VPS39: variants seen among roughly 807,000 people sequenced by gnomAD.
The protein encoded by VPS39 is vam6/Vps39-like protein.
A neutral mutation model predicts 121.0 loss-of-function variants in VPS39; 70 were observed. The ratio of observed to expected loss-of-function variants is 0.58; its 90% CI spans 0.48 to 0.71. The LOEUF (loss-of-function observed/expected upper bound fraction) is 0.71. Ranked by LOEUF, VPS39 falls within the 30% of genes least tolerant of loss-of-function variation. The pLI is 0.00. For synonymous variants in VPS39, 378 were observed against 398.1 expected, an observed-to-expected ratio of 0.95 and a Z score of 0.60; for missense variants, 818 against 1,051.5, an observed-to-expected ratio of 0.78 and a Z score of 3.07.
Position 42,191,678 on chromosome 15 carries a change from G to A in VPS39, c.140-118C>T, listed in dbSNP as rs553060203. 8.1e-5 allele frequency: 71 copies of A among 874,012 alleles called. 1 individual carries two copies. In the African/African-American group the frequency reaches 1.1e-3, roughly 13 times the overall value. The allele number at this position is 874,012 out of a possible 1,614,324, so 54.1% of individuals were successfully genotyped here. ...TATAAATCTTTGGAAGTTCCTGAAA[G>A]ACTAAAAATCAGAGATCTAAATAGC... On this transcript the variant is annotated intron_variant, in intron 2 of 24. Coordinates refer to ENST00000318006, the MANE Select transcript of VPS39 (RefSeq NM_015289.5).
chr15:42,199,962 C>T lies in VPS39; in HGVS notation c.74-1G>A. ...TTGGTTCCCACAAGAAGCCATTCCTCTGGAAAAACAAAACAAAACAAAAAC... is the reference window on the plus strand; with the variant it reads ...TTGGTTCCCACAAGAAGCCATTCCTTTGGAAAAACAAAACAAAACAAAAAC... On this transcript the variant is annotated splice_acceptor_variant, in intron 1 of 24. Coordinates refer to ENST00000318006, the MANE Select transcript of VPS39 (RefSeq NM_015289.5). LOFTEE classifies it high-confidence loss of function. 1 of 1,565,948 alleles carries T rather than the reference C, an allele frequency of 6.4e-7. No individual in the cohort carries two copies. The highest frequency in any genetic ancestry group is 8.6e-7 in the Non-Finnish European group (1 of 1,164,688).
rs947198028 is a variant in VPS39 at position 42,192,001 on chromosome 15, C to G, written c.140-441G>C. 9 of 1,492,020 alleles carry G rather than the reference C, an allele frequency of 6.0e-6. No homozygotes were observed. The South Asian group carries it at 9.6e-5, about 16-fold the overall frequency. 92.4% of individuals were successfully genotyped at this position (1,492,020 alleles called of 1,614,324 possible). A position where few individuals can be genotyped will look rare whatever the true frequency, so the allele number is the denominator to read the frequency against. ...ACTATTCTAACTAAGTTCTGTATCA[C>G]GGAGACAGAGCAAACACTCAAACCC... On this transcript the variant is annotated intron_variant, in intron 2 of 24. Coordinates refer to ENST00000318006, the MANE Select transcript of VPS39 (RefSeq NM_015289.5).
intron 4 of VPS39, 54 bp from the exon 5 acceptor site, chr15:42,189,262 G>C: frequency 6.8e-7 from 1 of 1,477,568 alleles, no homozygotes; most frequent in Non-Finnish European, 9.4e-7. Flanking sequence ...CTCTAGCATA[G>C]CCACTATCGA....
intron 1 of VPS39, among the ~76,000 whole-genome samples, chr15:42,203,473 C>CAA (rs58706734): frequency 3.1e-5 from 4 of 127,980 alleles, no homozygotes; most frequent in Admixed American, 7.7e-5. Context: ...GACTCTGTCT[C>CAA]AAAAAAAAAA....
At chr15:42,204,002 C>A (rs1228437455) in intron 1 of VPS39, among the ~76,000 whole-genome samples, 1 of 152,252 alleles carries the variant, frequency 6.6e-6, no homozygotes, top group Non-Finnish European at 1.5e-5. Context: ...CGGCCTAACC[C>A]TGAGCCACAA....
intron 10 of VPS39, 28 bp from the exon 11 acceptor site, chr15:42,173,880 T>C: frequency 6.2e-7 from 1 of 1,612,548 alleles, no homozygotes; most frequent in South Asian, 1.1e-5. Flanking sequence ...TATGTAAGAG[T>C]TCACTCACTC....
At chr15:42,168,587 A>G (rs2140843573) in intron 12 of VPS39, among the ~76,000 whole-genome samples, 1 of 143,876 alleles carries the variant, frequency 7.0e-6, no homozygotes, top group South Asian at 2.2e-4. Context: ...TCTGTTGCCC[A>G]GGCTGAAGTG....
intron 5 of VPS39, among the ~76,000 whole-genome samples, chr15:42,188,065 C>T (rs2049741905): frequency 6.6e-6 from 1 of 151,878 alleles, no homozygotes; most frequent in Non-Finnish European, 1.5e-5. Context: ...CGAAGGGTTG[C>T]CAGCCAAAGA....
chr15:42,175,823 T>C (rs2049441454), intron 10 of VPS39, among the ~76,000 whole-genome samples: 1 of 152,100 alleles, frequency 6.6e-6, no homozygotes, highest in African/African-American at 2.4e-5. Context: ...GGCCACACTT[T>C]ACACTTCTTT....
intron 1 of VPS39, among the ~76,000 whole-genome samples, chr15:42,205,460 A>G (rs935515666): frequency 5.9e-5 from 9 of 152,230 alleles, no homozygotes; most frequent in African/African-American, 2.2e-4. Flanking sequence ...CCAAGGAAAC[A>G]GCAAATGTAA....
intron 16 of VPS39, 74 bp from the exon 17 acceptor site, chr15:42,165,890 C>A (rs1052478121): frequency 2.8e-6 from 4 of 1,413,670 alleles, no homozygotes; most frequent in South Asian, 2.3e-5. Context: ...CGCATGTGAG[C>A]GCAGGGATCA....
chr15:42,162,177 G>A lies in VPS39; in HGVS notation c.2326-11C>T, dbSNP rs1455999669. On this transcript the variant is annotated splice_polypyrimidine_tract_variant and intron_variant, in intron 22 of 24. Transcript: ENST00000318006. Reference sequence around the variant, plus strand: ...CAGAAGGTTGAGGGCCTAGGGACAGGAACAGAGATAGGGACTGGGTGAGGT... The same window carrying A: ...CAGAAGGTTGAGGGCCTAGGGACAGAAACAGAGATAGGGACTGGGTGAGGT... 1.2e-6 allele frequency: 2 copies of A among 1,614,048 alleles called. No individual in the cohort carries two copies. The highest frequency in any genetic ancestry group is 1.3e-5 in the African/African-American group (1 of 74,926).
In VPS39 at chr15:42,208,304, C is replaced by T. The variant is rs1595695251; in HGVS notation, c.-151G>A. On this transcript the variant is annotated 5_prime_UTR_variant, in exon 1 of 25. Coordinates refer to ENST00000318006, the MANE Select transcript of VPS39 (RefSeq NM_015289.5). ...TCAACAACACAGCCATCGTCAACCC[C>T]GGACTTCCTGCTAGTTAGGCCCGCC... The T allele has an allele frequency of 1.0e-6, 1 of 989,476 alleles. No homozygotes were observed. The highest frequency in any genetic ancestry group is 2.7e-5 in the East Asian group (1 of 37,318). The allele number at this position is 989,476 out of a possible 1,614,324, so 61.3% of individuals were successfully genotyped here. A position where few individuals can be genotyped will look rare whatever the true frequency, so the allele number is the denominator to read the frequency against.
In VPS39 at chr15:42,189,160, G is replaced by A. The variant is rs145103058; in HGVS notation, c.296C>T (p.Thr99Met). Residue 99 changes from threonine (T) to methionine (M), a missense_variant, in exon 5 of 25, where the codon ACG (threonine) becomes ATG (methionine). Physicochemically the swap from Thr to Met is moderately conservative, Grantham distance 81 (BLOSUM62 -1). Coordinates refer to ENST00000318006, the MANE Select transcript of VPS39 (RefSeq NM_015289.5). ...HDLLTFQQIT[T>M]VSKAKGASLF... is the part of the protein sequence containing the mutation. ...TGATGCTCCCTTTGCCTTTGAAACC[G>A]TAGTGATTTGTTGAAATGTCAATAG... 26 of 1,613,732 alleles carry A rather than the reference G, an allele frequency of 1.6e-5. No individual in the cohort carries two copies. Among genetic ancestry groups the A allele is most frequent in the South Asian group, 9.9e-5 (9 of 91,072 alleles).
chr15:42,192,497 G>C (rs1168690710), intron 2 of VPS39, among the ~76,000 whole-genome samples: 1 of 152,124 alleles, frequency 6.6e-6, no homozygotes, highest in Non-Finnish European at 1.5e-5. Flanking sequence ...TCGCACTGCT[G>C]ACCTGAGTTG....
At chr15:42,189,794 CTTTTTTTT>C (rs34353468) in intron 4 of VPS39, among the ~76,000 whole-genome samples, 23 of 34,026 alleles carry the variant, frequency 6.8e-4, no homozygotes, top group East Asian at 4.1e-3. Flanking sequence ...CCAAAACACT[CTTTTTTTT>C]TTTTTTTTTT....
intron 8 of VPS39, among the ~76,000 whole-genome samples, chr15:42,183,977 T>A (rs186410017): frequency 7.9e-6 from 1 of 126,380 alleles, no homozygotes; most frequent in Non-Finnish European, 1.6e-5. Context: ...GAAGCAAGCA[T>A]AAGAACAGAA....
chr15:42,170,779 G>GT (rs1387641398), intron 11 of VPS39, among the ~76,000 whole-genome samples: 2 of 90,066 alleles, frequency 2.2e-5, no homozygotes, highest in East Asian at 4.3e-4. Flanking sequence ...TTGAGACAGG[G>GT]TTTTGCTCAG....
intron 1 of VPS39, 119 bp from the exon 2 acceptor site, chr15:42,200,080 T>C (rs969258940): frequency 2.1e-6 from 2 of 947,872 alleles, no homozygotes; most frequent in Non-Finnish European, 1.5e-6. Flanking sequence ...AATCAATGTG[T>C]CAAGAAAATG....
Sources: gnomAD v4.1 joint callset for allele counts (sites outside exome capture counted in the v4.1 genomes callset) on GRCh38, gnomAD v4.1.1 for gene constraint, MANE v1.5 for transcripts, NCBI Gene and HGNC (gene_info 2026-07-23, HGNC 2026-07-21) for gene names.